ZNF502: variants seen among roughly 807,000 people sequenced by gnomAD.
ZNF502 encodes the protein zinc finger protein 502.
A neutral mutation model predicts 43.6 loss-of-function variants in ZNF502; 29 were observed. The observed-to-expected ratio is 0.67, with a 90% CI of 0.50 to 0.91. The LOEUF is 0.91. Among genes scored for constraint, ZNF502 ranks in the 40% least tolerant of loss-of-function variants. The probability of loss-of-function intolerance (pLI) is 0.00; values close to 1 mark genes in which losing one functional copy is unlikely to be tolerated. For synonymous variants in ZNF502, 171 were observed against 207.4 expected (o/e 0.82, Z 1.51); for missense variants, 591 against 647.2 (o/e 0.91, Z 0.94).
rs183570029 is a variant in ZNF502, at chr3:44,719,447, G to A, written c.-59-756G>A. Among the ~76,000 whole-genome samples the A allele has an allele frequency of 2.1e-3, 320 of 152,292 alleles. 3 individuals carry two copies. Among genetic ancestry groups the A allele is most frequent in the Non-Finnish European group, 1.7e-3 (115 of 68,032 alleles). ...CTTCCCTTTTTCCTTGAATAATGCT[G>A]CCAGTTCTGCTTCTCACTTCAAGGT... On this transcript the variant is annotated intron_variant, in intron 1 of 2. Coordinates refer to ENST00000436624, the MANE Select transcript of ZNF502 (RefSeq NM_001134442.3).
intron 1 of ZNF502, among the ~76,000 whole-genome samples, chr3:44,713,881 A>C (rs150642164): frequency 1.8e-4 from 27 of 152,286 alleles, no homozygotes; most frequent in African/African-American, 6.5e-4. Flanking sequence ...CGCCAGGCCT[A>C]TGTGTAGTTT....
chr3:44,713,165 C>T (rs1704065306), intron 1 of ZNF502, among the ~76,000 whole-genome samples: 1 of 152,162 alleles, frequency 6.6e-6, no homozygotes, highest in Non-Finnish European at 1.5e-5. Flanking sequence ...GCGTAAAGTG[C>T]ACTCGTTGGG....
intron 1 of ZNF502, among the ~76,000 whole-genome samples, chr3:44,713,299 A>G (rs1704068238): frequency 6.6e-6 from 1 of 152,142 alleles, no homozygotes; most frequent in Non-Finnish European, 1.5e-5. Context: ...ATGTATGCAA[A>G]CCTTAATGCC....
intron 1 of ZNF502, among the ~76,000 whole-genome samples, chr3:44,714,225 A>G (rs1403379638): frequency 6.6e-6 from 1 of 152,204 alleles, no homozygotes; most frequent in East Asian, 1.9e-4. Context: ...GGATAGGGCT[A>G]TTAAGAGCCT....
chr3:44,721,909 A>G lies in ZNF502; in HGVS notation c.1092A>G (p.Pro364=). 6.2e-7 allele frequency: 1 copy of G among 1,614,130 alleles called. No individual in the cohort carries two copies. The highest frequency in any genetic ancestry group is 8.5e-7 in the Non-Finnish European group (1 of 1,179,988). Residue 364 remains proline (P), a synonymous_variant, in exon 3 of 3, where the codon CCA becomes CCG. Coordinates refer to ENST00000436624, the MANE Select transcript of ZNF502 (RefSeq NM_001134442.3). ...GTGGCAAAGCCTTTTGTCAGAGCCC[A>G]TCTCTTATTAAACACCAGCGAATTC... ...KECGKAFCQS[P]SLIKHQRIHT...
At chr3:44,716,776 A>C (rs969101696) in intron 1 of ZNF502, among the ~76,000 whole-genome samples, 4 of 152,200 alleles carry the variant, frequency 2.6e-5, no homozygotes, top group Admixed American at 6.5e-5. Flanking sequence ...GTAAAAATTG[A>C]TTCTTCATTC....
At chr3:44,718,846 G>A (rs1704219097) in intron 1 of ZNF502, among the ~76,000 whole-genome samples, 1 of 152,104 alleles carries the variant, frequency 6.6e-6, no homozygotes, top group African/African-American at 2.4e-5. Flanking sequence ...GCACTGATTA[G>A]TCACCCAAAT....
In ZNF502 at chr3:44,722,855, A is replaced by C. The variant is rs147589258; in HGVS notation, c.*403A>C. 4.1e-4 allele frequency: 75 copies of C among 182,726 alleles called. 1 individual carries two copies. The East Asian group carries it at 8.3e-3, about 20-fold the overall frequency. 11.3% of individuals were successfully genotyped at this position (182,726 alleles called of 1,614,324 possible). ...ACTGCCTGTCAGTGTGAAGTGGCAC[A>C]GCTCTGATGTAGTGCTAAGTCTAGC... On this transcript the variant is annotated 3_prime_UTR_variant, in exon 3 of 3. Coordinates refer to ENST00000436624, the MANE Select transcript of ZNF502 (RefSeq NM_001134442.3).
At chr3:44,716,364 T>C (rs901068991) in intron 1 of ZNF502, among the ~76,000 whole-genome samples, 24 of 151,948 alleles carry the variant, frequency 1.6e-4, no homozygotes, top group African/African-American at 5.8e-4. Context: ...ATTTTTTGTA[T>C]TTTTTAGTAG....
Position 44,720,295 on chromosome 3 carries a change from A to G in ZNF502, c.34A>G (p.Ile12Val), listed in dbSNP as rs1383458851. 1 of 1,614,186 alleles carries G rather than the reference A, an allele frequency of 6.2e-7. No individual in the cohort carries two copies. The highest frequency in any genetic ancestry group is 8.5e-7 in the Non-Finnish European group (1 of 1,179,994). The stretch of plus-strand genomic sequence containing the variant: ...TATGCAAGGAGCTGAAGAGAGAGAC[A>G]TTAGAAGAGAGACTTGTCCAGGTGA... ...LNMQGAEERD[I>V]RRETCPGWVN... The change falls in exon 2 of 3, where the codon ATT becomes GTT. Residue 12 changes from isoleucine (I) to valine (V), a missense_variant. Ile to Val is a conservative substitution (Grantham distance 29, BLOSUM62 3). Transcript: ENST00000436624.
Position 44,721,706 on chromosome 3 carries a change from TGCA to T in ZNF502, c.891_893del (p.Ser298del). Reference sequence around the variant, plus strand: ...TCACACTGGTGAGAAGCCTTACATATGCAGTGAATGTGGCTCTTCTTTTCGAAA... The same window carrying T: ...TCACACTGGTGAGAAGCCTTACATATGTGAATGTGGCTCTTCTTTTCGAAA... On this transcript the variant is annotated inframe_deletion, in exon 3 of 3. Coordinates refer to ENST00000436624, the MANE Select transcript of ZNF502 (RefSeq NM_001134442.3). 1.9e-6 allele frequency: 3 copies of T among 1,613,540 alleles called. No homozygotes were observed. Among genetic ancestry groups the T allele is most frequent in the Non-Finnish European group, 2.5e-6 (3 of 1,179,546 alleles).
At chr3:44,717,542 G>C (rs1170294135) in intron 1 of ZNF502, among the ~76,000 whole-genome samples, 1 of 151,290 alleles carries the variant, frequency 6.6e-6, no homozygotes, top group Non-Finnish European at 1.5e-5. Context: ...CTCCCAAGTA[G>C]CTGGGATTAC....
chr3:44,718,338 C>T (rs1704205298), intron 1 of ZNF502, among the ~76,000 whole-genome samples: 1 of 152,178 alleles, frequency 6.6e-6, no homozygotes, highest in Non-Finnish European at 1.5e-5. Flanking sequence ...GATCTTCAAG[C>T]CTTCACCTTG....
chr3:44,715,158 T>G (rs901061729), intron 1 of ZNF502, among the ~76,000 whole-genome samples: 1 of 152,248 alleles, frequency 6.6e-6, no homozygotes, highest in Admixed American at 6.5e-5. Flanking sequence ...TTATGTCTTT[T>G]TTAAATGTGT....
intron 1 of ZNF502, among the ~76,000 whole-genome samples, chr3:44,718,979 T>C (rs1042417783): frequency 6.6e-6 from 1 of 150,872 alleles, no homozygotes; most frequent in African/African-American, 2.4e-5. Context: ...CATCTTCTTT[T>C]TTTTTTTTTT....
At chr3:44,717,824 T>G (rs762803487) in intron 1 of ZNF502, among the ~76,000 whole-genome samples, 84 of 146,106 alleles carry the variant, frequency 5.7e-4, no homozygotes, top group African/African-American at 1.8e-3. Flanking sequence ...TTAATTTTTG[T>G]TTTTTTTTGT....
rs1276600057 is a variant in ZNF502, at chr3:44,722,257, A to G, written c.1440A>G (p.Glu480=). ...TTGCTCATAGCTCATCTCTTACTGA[A>G]CATCATAGAACTCACACTGGTGAGA... is the stretch of plus-strand genomic sequence containing the variant. ...KAFAHSSSLT[E]HHRTHTGEKL... is the part of the protein sequence containing the mutation. Residue 480 remains glutamate (E), a synonymous_variant, in exon 3 of 3, where the codon GAA becomes GAG. Coordinates refer to ENST00000436624, the MANE Select transcript of ZNF502 (RefSeq NM_001134442.3). 2 of 1,613,994 alleles carry G rather than the reference A, an allele frequency of 1.2e-6. No individual in the cohort carries two copies. The highest frequency in any genetic ancestry group is 2.7e-5 in the African/African-American group (2 of 74,900).
In ZNF502 at chr3:44,722,385, A is replaced by C; in HGVS notation, c.1568A>C (p.Glu523Ala). The change falls in exon 3 of 3, where the codon GAG becomes GCG. Residue 523 changes from glutamate (E) to alanine (A), a missense_variant. By Grantham distance (107) the Glu-to-Ala change is moderately radical (BLOSUM62 -1). Transcript: ENST00000436624. Reference sequence around the variant, plus strand: ...GGTGAGAAGCCTTATGAGTGTATTGAGTGTGGAAAGTTCTTCAGACATAGT... The same window carrying C: ...GGTGAGAAGCCTTATGAGTGTATTGCGTGTGGAAAGTTCTTCAGACATAGT... ...HTGEKPYECIECGKFFRHSSV... is the reference protein window; with the variant it reads ...HTGEKPYECIACGKFFRHSSV... 6.2e-7 allele frequency: 1 copy of C among 1,614,212 alleles called. No individual in the cohort carries two copies. Among genetic ancestry groups the C allele is most frequent in the Non-Finnish European group, 8.5e-7 (1 of 1,180,042 alleles).
Position 44,720,246 on chromosome 3 carries a change from AAG to A in ZNF502, c.-12_-11del. The A allele has an allele frequency of 6.2e-7, 1 of 1,614,068 alleles. No individual in the cohort carries two copies. The highest frequency in any genetic ancestry group is 1.1e-5 in the South Asian group (1 of 91,078). On this transcript the variant is annotated 5_prime_UTR_variant, in exon 2 of 3. Coordinates refer to ENST00000436624, the MANE Select transcript of ZNF502 (RefSeq NM_001134442.3). ...CCTGAAGTGTTTTCCAATCAAAGCG[AAG>A]AGACGATCTGTGGATGTTGAATATG...
Sources: gnomAD v4.1 joint callset for allele counts (sites outside exome capture counted in the v4.1 genomes callset) on GRCh38, gnomAD v4.1.1 for gene constraint, MANE v1.5 for transcripts, NCBI Gene and HGNC (gene_info 2026-07-23, HGNC 2026-07-21) for gene names.